CRB1: variants seen among roughly 807,000 people sequenced by gnomAD.
CRB1 encodes crumbs cell polarity complex component 1.
CRB1 carries 83 observed loss-of-function variants against 120.0 expected under a neutral mutation model. The ratio of observed to expected loss-of-function variants is 0.69; its 90% confidence interval spans 0.58 to 0.83. CRB1 has a LOEUF of 0.83. Among genes scored for constraint, CRB1 ranks in the 40% least tolerant of loss-of-function variants. The pLI is 0.00. For synonymous variants in CRB1, 625 were observed against 612.5 expected (o/e 1.02, Z -0.30); for missense variants, 1,699 against 1,687.6 (o/e 1.01, Z -0.12).
chr1:197,338,057 T>C (rs1387327542), intron 2 of CRB1, among the ~76,000 whole-genome samples: 1 of 151,860 alleles, frequency 6.6e-6, no homozygotes, highest in African/African-American at 2.4e-5. Flanking sequence ...TTTTCTATAA[T>C]CTTTCAAAAA....
At position 197,429,509 on chromosome 1, in the gene CRB1, T is replaced by C. The variant is rs746999383; in HGVS notation, c.2737T>C (p.Cys913Arg). The C allele has an allele frequency of 6.2e-7, 1 of 1,614,088 alleles. No individual in the cohort carries two copies. Among genetic ancestry groups the C allele is most frequent in the Non-Finnish European group, 8.5e-7 (1 of 1,179,968 alleles). Reference sequence around the variant, plus strand: ...CCGGTGGGATGACTTCTCCTGTTCCTGTCCTGCCCTCACAAGTGGGAAAGC... The same window carrying C: ...CCGGTGGGATGACTTCTCCTGTTCCCGTCCTGCCCTCACAAGTGGGAAAGC... ...HSRWDDFSCS[C>R]PALTSGKACE... Residue 913 changes from cysteine to arginine, a missense_variant, in exon 8 of 12, where the codon TGT becomes CGT. Physicochemically the swap from Cys to Arg is radical, Grantham distance 180. Transcript: ENST00000367400.
chr1:197,466,079 C>G (rs1666737517), intron 11 of CRB1, among the ~76,000 whole-genome samples: 1 of 152,202 alleles, frequency 6.6e-6, no homozygotes, highest in Non-Finnish European at 1.5e-5. Flanking sequence ...TGGGGCAAAG[C>G]TGACATAGTG....
At chr1:197,337,758 T>C (rs189878570) in intron 2 of CRB1, among the ~76,000 whole-genome samples, 1 of 152,230 alleles carries the variant, frequency 6.6e-6, no homozygotes, top group African/African-American at 2.4e-5. Context: ...AACTCAGGAA[T>C]AGATTAACTG....
intron 10 of CRB1, chr1:197,440,603 A>G (rs1665385841): frequency 6.6e-6 from 1 of 152,224 alleles, no homozygotes; most frequent in Non-Finnish European, 1.5e-5. Context: ...ATGTGTATCT[A>G]TTGTTGACTG....
At chr1:197,388,676 T>A (rs1352160933) in intron 5 of CRB1, among the ~76,000 whole-genome samples, 1 of 152,078 alleles carries the variant, frequency 6.6e-6, no homozygotes, top group Non-Finnish European at 1.5e-5. Flanking sequence ...AATGTAGAAA[T>A]CAATCACACA....
intron 5 of CRB1, among the ~76,000 whole-genome samples, chr1:197,386,111 G>A (rs1429528923): frequency 2.0e-5 from 3 of 151,982 alleles, no homozygotes; most frequent in Non-Finnish European, 4.4e-5. Flanking sequence ...CCAGTAGTGG[G>A]GGGTAAAACA....
intron 5 of CRB1, among the ~76,000 whole-genome samples, chr1:197,377,633 C>T (rs1483284509): frequency 1.3e-5 from 2 of 152,124 alleles, no homozygotes; most frequent in Non-Finnish European, 2.9e-5. Context: ...AATGTGTTCT[C>T]CTTATTTCAG....
At chr1:197,408,971 A>T (rs985233656) in intron 5 of CRB1, among the ~76,000 whole-genome samples, 8 of 152,222 alleles carry the variant, frequency 5.3e-5, no homozygotes, top group African/African-American at 1.9e-4. Flanking sequence ...GAAATGTGAA[A>T]CTGAAATGCA....
the CRB1 span, among the ~76,000 whole-genome samples, chr1:197,206,586 A>G: frequency 6.6e-6 from 1 of 151,922 alleles, no homozygotes; most frequent in African/African-American, 2.4e-5. Flanking sequence ...TTCTAATTTT[A>G]TTTCACTGTG....
At chr1:197,393,778 G>GACATTTATAACA (rs1662631066) in intron 5 of CRB1, among the ~76,000 whole-genome samples, 1 of 145,164 alleles carries the variant, frequency 6.9e-6, no homozygotes, top group African/African-American at 2.6e-5. Context: ...TAAAGATTAA[G>GACATTTATAACA]GCACATTTAT....
At chr1:197,305,883 C>A (rs1657140079) in intron 1 of CRB1, among the ~76,000 whole-genome samples, 2 of 145,854 alleles carry the variant, frequency 1.4e-5, no homozygotes, top group Non-Finnish European at 1.5e-5. Flanking sequence ...ACTTTGGAAA[C>A]TGATATTTGA....
chr1:197,214,418 G>A, the CRB1 span, among the ~76,000 whole-genome samples: 1 of 151,988 alleles, frequency 6.6e-6, no homozygotes, highest in African/African-American at 2.4e-5. Context: ...CTTATATGAA[G>A]GGCCCAATTT....
rs1159431015 is a variant in CRB1, at chr1:197,473,360, A to G, written c.4006-4304A>G. ...TTCCAGCATACAATAATCAGGATGGAAGTTTCAAAATAGGTTTTGACAGTC... is the reference window on the plus strand; with the variant it reads ...TTCCAGCATACAATAATCAGGATGGGAGTTTCAAAATAGGTTTTGACAGTC... On this transcript the variant is annotated intron_variant, in intron 11 of 11. Coordinates refer to ENST00000367400, the MANE Select transcript of CRB1 (RefSeq NM_201253.3). Among the ~76,000 whole-genome samples the G allele has an allele frequency of 3.3e-5, 5 of 152,304 alleles. 1 individual carries two copies. The highest frequency in any genetic ancestry group is 1.2e-4 in the African/African-American group (5 of 41,572).
chr1:197,411,346 G>A (rs919037700), intron 5 of CRB1, among the ~76,000 whole-genome samples: 1 of 152,160 alleles, frequency 6.6e-6, no homozygotes, highest in Non-Finnish European at 1.5e-5. Context: ...AAGATAAGTT[G>A]AGGTAATACA....
intron 2 of CRB1, among the ~76,000 whole-genome samples, chr1:197,331,323 G>T (rs1246641787): frequency 6.6e-6 from 1 of 152,132 alleles, no homozygotes; most frequent in Non-Finnish European, 1.5e-5. Context: ...TATTAAATAA[G>T]AATTCACTTT....
intron 5 of CRB1, chr1:197,357,230 GA>G: frequency 1.6e-6 from 1 of 619,386 alleles, no homozygotes; most frequent in Non-Finnish European, 2.9e-6. Context: ...AAGGAGGAAT[GA>G]AAGGGATGAC....
At chr1:197,342,541 C>T (rs1004668488) in intron 2 of CRB1, among the ~76,000 whole-genome samples, 2 of 152,130 alleles carry the variant, frequency 1.3e-5, no homozygotes, top group Admixed American at 6.6e-5. Flanking sequence ...TGCTTTGTGG[C>T]TTTTTCTACA....
chr1:197,228,732 C>G, the CRB1 span, among the ~76,000 whole-genome samples: 1 of 152,100 alleles, frequency 6.6e-6, no homozygotes, highest in Non-Finnish European at 1.5e-5. Flanking sequence ...CTACTGGTAC[C>G]AATATACTGT....
intron 5 of CRB1, among the ~76,000 whole-genome samples, chr1:197,410,002 A>G (rs1663621468): frequency 6.6e-6 from 1 of 151,950 alleles, no homozygotes; most frequent in South Asian, 2.1e-4. Context: ...AGCCAGAATG[A>G]TCTCGATCTC....
Sources: allele counts gnomAD v4.1 joint callset (sites outside exome capture counted in the v4.1 genomes callset), GRCh38; gene constraint gnomAD v4.1.1; transcripts MANE v1.5; gene names NCBI Gene and HGNC (gene_info 2026-07-23, HGNC 2026-07-21).